OR14A2: variants seen among roughly 807,000 people sequenced by gnomAD.
OR14A2 encodes the protein olfactory receptor 14A2.
For missense variants in OR14A2, 237 were observed against 152.9 expected (o/e 1.55, Z -2.90); for synonymous variants, 114 against 58.6 (o/e 1.95, Z -4.32).
chr1:247,724,967 C>CA (rs941227456), upstream of OR14A2, among the ~76,000 whole-genome samples: 5 of 151,350 alleles, frequency 3.3e-5, no homozygotes, highest in African/African-American at 9.7e-5. Context: ...TTGAAAAGAT[C>CA]AAAAAAATGT....
At chr1:247,724,038 G>T in exon 1 of OR14A2, 1 of 705,742 alleles carries the variant, frequency 1.4e-6, no homozygotes, top group South Asian at 1.5e-5. Context: ...AGGTGACATT[G>T]GCCATACTAG....
At chr1:247,724,066 T>G, upstream of OR14A2, 1 of 663,004 alleles carries the variant, frequency 1.5e-6, no homozygotes. Context: ...TCAGTGCCTG[T>G]CAAGGTGAGA....
the OR14A2 span, chr1:247,738,563 T>C: frequency 1.4e-6 from 1 of 703,746 alleles, no homozygotes. Flanking sequence ...TTTTTAATAT[T>C]AGTATGACAC....
At chr1:247,728,828 A>G (rs1660450163), upstream of OR14A2, among the ~76,000 whole-genome samples, 1 of 152,062 alleles carries the variant, frequency 6.6e-6, no homozygotes, top group Non-Finnish European at 1.5e-5. Flanking sequence ...ATTCCATCAC[A>G]TCTACACAAG....
chr1:247,742,266 A>G, the OR14A2 span, among the ~76,000 whole-genome samples: 3 of 152,132 alleles, frequency 2.0e-5, no homozygotes, highest in Admixed American at 6.5e-5. Context: ...TGTTGAGATA[A>G]TACACACACA....
the OR14A2 span, among the ~76,000 whole-genome samples, chr1:247,735,837 C>T: frequency 1.3e-5 from 2 of 152,206 alleles, no homozygotes; most frequent in Non-Finnish European, 2.9e-5. Context: ...CTGTTTGCAG[C>T]ATTCACTAGA....
chr1:247,738,831 T>C, the OR14A2 span: 2 of 780,726 alleles, frequency 2.6e-6, no homozygotes, highest in Non-Finnish European at 4.8e-6. Flanking sequence ...GTGTCTCATT[T>C]CTGCCACAGT....
the OR14A2 span, among the ~76,000 whole-genome samples, chr1:247,743,849 T>A: frequency 6.6e-6 from 1 of 152,210 alleles, no homozygotes; most frequent in African/African-American, 2.4e-5. Context: ...CATGGTTGGA[T>A]CTTTTTCTGT....
At chr1:247,738,017 T>C in the OR14A2 span, among the ~76,000 whole-genome samples, 1 of 152,188 alleles carries the variant, frequency 6.6e-6, no homozygotes, top group African/African-American at 2.4e-5. Context: ...TTTTGTGCTA[T>C]GCTATGTATA....
At chr1:247,738,879 T>G in the OR14A2 span, 1 of 780,672 alleles carries the variant, frequency 1.3e-6, no homozygotes, top group Admixed American at 1.7e-5. Context: ...CTCCACTGAC[T>G]CCATCTCCTT....
the OR14A2 span, among the ~76,000 whole-genome samples, chr1:247,731,089 T>C: frequency 6.6e-6 from 1 of 152,128 alleles, no homozygotes; most frequent in African/African-American, 2.4e-5. Context: ...GTATATTTCT[T>C]GTATTATTTA....
the OR14A2 span, among the ~76,000 whole-genome samples, chr1:247,736,862 A>G: frequency 5.3e-5 from 8 of 152,190 alleles, no homozygotes; most frequent in Non-Finnish European, 1.0e-4. Context: ...TATTGCTCTA[A>G]AGCTAGGGCC....
the OR14A2 span, among the ~76,000 whole-genome samples, chr1:247,729,850 C>A: frequency 6.6e-6 from 1 of 151,938 alleles, no homozygotes; most frequent in Non-Finnish European, 1.5e-5. Flanking sequence ...TTGCAGGTTT[C>A]AATTTTACAA....
chr1:247,725,083 A>G (rs1660304966), upstream of OR14A2, among the ~76,000 whole-genome samples: 2 of 152,156 alleles, frequency 1.3e-5, no homozygotes, highest in South Asian at 2.1e-4. Flanking sequence ...AAAAAGAACA[A>G]ATAAATTAGT....
At chr1:247,731,322 T>C in the OR14A2 span, among the ~76,000 whole-genome samples, 1 of 152,120 alleles carries the variant, frequency 6.6e-6, no homozygotes, top group Non-Finnish European at 1.5e-5. Flanking sequence ...TCATCATTTC[T>C]AGTGAGAAGT....
chr1:247,747,436 A>G, the OR14A2 span, among the ~76,000 whole-genome samples: 1 of 145,992 alleles, frequency 6.8e-6, no homozygotes, highest in African/African-American at 2.6e-5. Flanking sequence ...ACCTCAGCTC[A>G]CTGCAAGCTC....
downstream of OR14A2, chr1:247,722,983 A>G (rs915669849): frequency 1.6e-6 from 1 of 615,986 alleles, no homozygotes; most frequent in African/African-American, 1.9e-5. Flanking sequence ...TTATTTCTTC[A>G]GGGAAAAAAT....
the OR14A2 span, among the ~76,000 whole-genome samples, chr1:247,741,977 G>T: frequency 6.6e-6 from 1 of 152,146 alleles, no homozygotes; most frequent in Non-Finnish European, 1.5e-5. Context: ...CCTTTACAGT[G>T]ATGATACAGA....
chr1:247,745,847 TA>T, the OR14A2 span, among the ~76,000 whole-genome samples: 2 of 152,168 alleles, frequency 1.3e-5, no homozygotes, highest in Non-Finnish European at 2.9e-5. Context: ...GGACCTAGAT[TA>T]AAAAGTTGAA....
Sources: gnomAD v4.1 joint callset for allele counts (sites outside exome capture counted in the v4.1 genomes callset) on GRCh38, gnomAD v4.1.1 for gene constraint, MANE v1.5 for transcripts, NCBI Gene and HGNC (gene_info 2026-07-23, HGNC 2026-07-21) for gene names.